Variants in CELF2 observed in about 807,000 individuals in gnomAD.
CELF2 encodes the protein CUGBP Elav-like family member 2, also known as CUG triplet repeat RNA-binding protein 2.
A neutral mutation model predicts 62.6 loss-of-function variants in CELF2; 8 were observed. The observed-to-expected ratio is 0.13, with a 90% confidence interval of 0.07 to 0.23. The LOEUF is 0.23. CELF2 is among the 10% of genes least tolerant of loss of function. The probability of loss-of-function intolerance (pLI) is 1.00; values close to 1 mark genes in which losing one functional copy is unlikely to be tolerated. For missense variants in CELF2, 333 were observed against 671.0 expected (o/e 0.50, Z 5.56); for synonymous variants, 258 against 250.0 (o/e 1.03, Z -0.30).
chr10:11,099,409 G>GAATAAATTCAATAAA (rs1304737761), intron 1 of CELF2, among the ~76,000 whole-genome samples: 8 of 152,162 alleles, frequency 5.3e-5, no homozygotes, highest in African/African-American at 1.7e-4. Flanking sequence ...TTCTGGCGTG[G>GAATAAATTCAATAAA]TTTCCCTCCA....
At chr10:11,266,950 G>A (rs1263432482) in intron 6 of CELF2, among the ~76,000 whole-genome samples, 3 of 152,182 alleles carry the variant, frequency 2.0e-5, no homozygotes, top group Non-Finnish European at 4.4e-5. Flanking sequence ...CACGGGTCCT[G>A]TGATGTAAAG....
rs2075031083 is a variant in CELF2, at chr10:11,244,571, C to A, written c.355-4582C>A. Among the ~76,000 whole-genome samples, 2 of 151,446 alleles carry A rather than the reference C, an allele frequency of 1.3e-5. No individual in the cohort carries two copies. Among genetic ancestry groups the A allele is most frequent in the Admixed American group, 1.3e-4 (2 of 15,216 alleles). The stretch of plus-strand genomic sequence containing the variant: ...TCAGGAGGCTGAGGCAGGAGAATGG[C>A]ATGAACCCGGGAGGCAGAGCTTTCA... On this transcript the variant is annotated intron_variant, in intron 3 of 12. Coordinates refer to ENST00000633077, the MANE Select transcript of CELF2 (RefSeq NM_001326342.2). The surrounding 1 kb of genome is among the most constrained non-coding windows in gnomAD (Gnocchi z 4.2).
intron 3 of CELF2, among the ~76,000 whole-genome samples, chr10:11,238,778 G>A (rs1217483953): frequency 6.6e-6 from 1 of 152,144 alleles, no homozygotes; most frequent in Admixed American, 6.5e-5. Context: ...TTGAGTAGCA[G>A]TGCTTCTGAA....
chr10:10,569,384 C>G, the CELF2 span, among the ~76,000 whole-genome samples: 1 of 152,052 alleles, frequency 6.6e-6, no homozygotes, highest in Non-Finnish European at 1.5e-5. Context: ...TCTCATGAGA[C>G]TTACTCACTA....
At chr10:11,231,867 AT>A (rs2068814846) in intron 3 of CELF2, among the ~76,000 whole-genome samples, 1 of 151,168 alleles carries the variant, frequency 6.6e-6, no homozygotes. Flanking sequence ...AGGCAAAAAA[AT>A]AAAAAATAAA....
At chr10:11,186,296 CTTTTTTT>C (rs57327671) in intron 2 of CELF2, among the ~76,000 whole-genome samples, 2 of 115,510 alleles carry the variant, frequency 1.7e-5, no homozygotes, top group African/African-American at 6.4e-5. Flanking sequence ...GGTTTTGTTG[CTTTTTTT>C]TTTTTTTTTT....
chr10:11,266,551 T>C (rs534764935), intron 5 of CELF2, 47 bp from the exon 6 acceptor site: 14 of 1,498,174 alleles, frequency 9.3e-6, no homozygotes, highest in South Asian at 2.3e-5. Flanking sequence ...CCCTTTTGTC[T>C]TGTTGTTTTT....
At chr10:10,719,237 C>T in the CELF2 span, among the ~76,000 whole-genome samples, 15 of 152,048 alleles carry the variant, frequency 9.9e-5, no homozygotes, top group African/African-American at 3.4e-4. Flanking sequence ...GGATTACAGG[C>T]GTGAGCCACC....
At chr10:10,989,319 A>G (rs971383025) in intron 2 of CELF2, among the ~76,000 whole-genome samples, 4 of 152,160 alleles carry the variant, frequency 2.6e-5, no homozygotes, top group Non-Finnish European at 5.9e-5. Flanking sequence ...GTAACTTGCT[A>G]TACCAGATGT....
At chr10:10,915,149 AGATT>A (rs1253082382) in intron 1 of CELF2, among the ~76,000 whole-genome samples, 2 of 128,414 alleles carry the variant, frequency 1.6e-5, no homozygotes, top group African/African-American at 7.4e-5. Flanking sequence ...AAAAAAAAAA[AGATT>A]TTTTAGTGTT....
chr10:10,803,468 A>G (rs1355373821), intron 1 of CELF2, among the ~76,000 whole-genome samples: 1 of 152,252 alleles, frequency 6.6e-6, no homozygotes, highest in East Asian at 1.9e-4. Flanking sequence ...CTGCCTGGCA[A>G]TCTTTCCTTA....
chr10:10,846,657 G>A (rs1023353441), intron 1 of CELF2, among the ~76,000 whole-genome samples: 3 of 152,162 alleles, frequency 2.0e-5, no homozygotes, highest in Non-Finnish European at 4.4e-5. Flanking sequence ...AGCATGGAAT[G>A]GCTCAGATCT....
upstream of CELF2, chr10:10,797,010 C>G (rs1380181526): frequency 2.4e-6 from 1 of 414,016 alleles, no homozygotes; most frequent in Non-Finnish European, 3.3e-6. Flanking sequence ...GAAAACAAAT[C>G]TAAACAGAGG....
chr10:10,558,867 G>C, the CELF2 span, among the ~76,000 whole-genome samples: 1 of 151,902 alleles, frequency 6.6e-6, no homozygotes, highest in Non-Finnish European at 1.5e-5. Flanking sequence ...TATTTCACTG[G>C]GCACATGTGA....
chr10:10,665,981 C>T, the CELF2 span, among the ~76,000 whole-genome samples: 35,444 of 152,062 alleles, frequency 0.23, 4,313 homozygotes, highest in South Asian at 0.44. Flanking sequence ...CCCGGTGATA[C>T]GAAGAGTCAG....
intron 1 of CELF2, among the ~76,000 whole-genome samples, chr10:11,144,782 CT>C (rs1412082979): frequency 6.6e-6 from 1 of 151,062 alleles, no homozygotes; most frequent in Non-Finnish European, 1.5e-5. Context: ...GTACCAGCTA[CT>C]CGGGAGGCTG....
chr10:10,834,141 G>A (rs1391552927), intron 1 of CELF2, among the ~76,000 whole-genome samples: 1 of 152,172 alleles, frequency 6.6e-6, no homozygotes, highest in Non-Finnish European at 1.5e-5. Flanking sequence ...CATGAAAAAC[G>A]AGATGGTGTC....
the CELF2 span, among the ~76,000 whole-genome samples, chr10:10,467,094 A>G: frequency 6.6e-6 from 1 of 152,056 alleles, no homozygotes; most frequent in Admixed American, 6.6e-5. Flanking sequence ...CAATATACCA[A>G]TATACCACTT....
At chr10:11,152,108 C>T (rs1489262255) in intron 1 of CELF2, among the ~76,000 whole-genome samples, 3 of 152,198 alleles carry the variant, frequency 2.0e-5, no homozygotes, top group Non-Finnish European at 2.9e-5. Flanking sequence ...GAATTTTCCT[C>T]TTGAAGAATG....
Sources: allele counts gnomAD v4.1 joint callset (sites outside exome capture counted in the v4.1 genomes callset), GRCh38; gene constraint gnomAD v4.1.1; non-coding constraint Gnocchi (gnomAD v3.1); transcripts MANE v1.5; gene names NCBI Gene and HGNC (gene_info 2026-07-23, HGNC 2026-07-21).